The following FMNL2 variants were observed in gnomAD, a reference collection of about 807,000 sequenced individuals.
FMNL2 encodes formin like 2.
FMNL2 carries 51 observed loss-of-function variants against 130.2 expected under a neutral mutation model. The ratio of observed to expected loss-of-function variants is 0.39; its 90% CI spans 0.31 to 0.49. The LOEUF is 0.49. Among genes scored for constraint, FMNL2 ranks in the 20% least tolerant of loss-of-function variants. The pLI is 0.85. For missense variants in FMNL2, 977 were observed against 1,316.2 expected, an observed-to-expected ratio of 0.74 and a Z score of 3.99; for synonymous variants, 465 against 467.1, an observed-to-expected ratio of 1.00 and a Z score of 0.06.
intron 1 of FMNL2, among the ~76,000 whole-genome samples, chr2:152,432,556 C>T (rs1360085379): frequency 2.6e-5 from 4 of 152,304 alleles, no homozygotes; most frequent in Admixed American, 1.3e-4. Context: ...AGCAGATGGC[C>T]GTCCAAAGCT....
chr2:152,647,916 G>C lies in FMNL2; in HGVS notation c.*11G>C. On this transcript the variant is annotated 3_prime_UTR_variant, in exon 26 of 26. Coordinates refer to ENST00000288670, the MANE Select transcript of FMNL2 (RefSeq NM_052905.4). ...GAAATAACAATGTGAACCTGAGACT[G>C]GCCTGCATGAATACAGGGTGTGCGT... 6.2e-7 allele frequency: 1 copy of C among 1,605,552 alleles called. No homozygotes were observed. The highest frequency in any genetic ancestry group is 8.5e-7 in the Non-Finnish European group (1 of 1,174,868).
At chr2:152,607,478 C>T in intron 10 of FMNL2, 65 bp downstream of exon 10, 1 of 752,456 alleles carries the variant, frequency 1.3e-6, no homozygotes, top group Non-Finnish European at 2.1e-6. Flanking sequence ...AATACACACA[C>T]ACACACACAC....
intron 1 of FMNL2, among the ~76,000 whole-genome samples, chr2:152,418,544 T>G (rs535972063): frequency 6.6e-4 from 101 of 152,330 alleles, no homozygotes; most frequent in African/African-American, 2.2e-3. Context: ...ATAAGTGGAA[T>G]CAGGGAAGTT....
intron 1 of FMNL2, among the ~76,000 whole-genome samples, chr2:152,435,906 C>G (rs962699593): frequency 6.6e-6 from 1 of 152,174 alleles, no homozygotes; most frequent in Non-Finnish European, 1.5e-5. Flanking sequence ...GAGGTGGCCC[C>G]CACCACAATA....
chr2:152,474,000 G>C (rs927663374), intron 1 of FMNL2, among the ~76,000 whole-genome samples: 4 of 152,138 alleles, frequency 2.6e-5, no homozygotes, highest in Non-Finnish European at 5.9e-5. Context: ...TCAGCCACCT[G>C]AGTAGCTAGG....
chr2:152,611,495 G>A lies in FMNL2; in HGVS notation c.952G>A (p.Val318Met). The A allele has an allele frequency of 1.9e-6, 3 of 1,569,140 alleles. No individual in the cohort carries two copies. Among genetic ancestry groups the A allele is most frequent in the Non-Finnish European group, 2.6e-6 (3 of 1,152,268 alleles). Residue 318 changes from valine to methionine, a missense_variant and splice_region_variant, in exon 11 of 26, where the codon GTG (valine) becomes ATG (methionine). Val to Met is a conservative substitution (Grantham distance 21). Transcript: ENST00000288670. Reference sequence around the variant, plus strand: ...TAACCCCTTGACAATTTCATTTCAGGTGGCTTCTATGCAGTTTATTAATAT... The same window carrying A: ...TAACCCCTTGACAATTTCATTTCAGATGGCTTCTATGCAGTTTATTAATAT... ...RNEDNNIDFM[V>M]ASMQFINIVV...
chr2:152,525,348 A>G (rs926740136), intron 2 of FMNL2, among the ~76,000 whole-genome samples: 2 of 152,212 alleles, frequency 1.3e-5, no homozygotes, highest in Non-Finnish European at 2.9e-5. Context: ...AATTCAGGAC[A>G]TTGGAGATGA....
At chr2:152,384,761 A>G (rs1287352564) in intron 1 of FMNL2, among the ~76,000 whole-genome samples, 1 of 152,076 alleles carries the variant, frequency 6.6e-6, no homozygotes, top group East Asian at 1.9e-4. Flanking sequence ...GGGCCATTAT[A>G]TTTTCAGCTA....
In FMNL2 at chr2:152,347,822, T is replaced by C. The variant is rs187160372; in HGVS notation, c.117+12102T>C. On this transcript the variant is annotated intron_variant, in intron 1 of 25. Transcript: ENST00000288670. ...ACGTTTGTTGGTCTCTCTTCTTTTC[T>C]CTGCTTTGTAACTCCTGTATCCCTC... is the stretch of plus-strand genomic sequence containing the variant. Among the ~76,000 whole-genome samples the C allele has an allele frequency of 3.7e-3, 561 of 152,366 alleles. 1 individual carries two copies. The highest frequency in any genetic ancestry group is 5.8e-3 in the Non-Finnish European group (396 of 68,028).
At chr2:152,382,374 T>C (rs1325813215) in intron 1 of FMNL2, among the ~76,000 whole-genome samples, 5 of 152,188 alleles carry the variant, frequency 3.3e-5, no homozygotes, top group Admixed American at 3.3e-4. Context: ...GGTGTTCTGA[T>C]GTGAGAGAGC....
chr2:152,550,038 G>T (rs557827046), intron 4 of FMNL2, among the ~76,000 whole-genome samples: 1 of 152,212 alleles, frequency 6.6e-6, no homozygotes, highest in African/African-American at 2.4e-5. Context: ...AGTAAGTTCT[G>T]TCTCGTTGAT....
At chr2:152,375,877 C>CTCTCTCTCTA (rs796954245) in intron 1 of FMNL2, among the ~76,000 whole-genome samples, 30 of 112,474 alleles carry the variant, frequency 2.7e-4, no homozygotes, top group Middle Eastern at 4.6e-3. Flanking sequence ...CTCTCTCTCT[C>CTCTCTCTCTA]TATATATATA....
intron 1 of FMNL2, among the ~76,000 whole-genome samples, chr2:152,503,917 T>C (rs1691999766): frequency 6.6e-6 from 1 of 152,212 alleles, no homozygotes; most frequent in African/African-American, 2.4e-5. Flanking sequence ...AAGCTGGGCA[T>C]TGTAGCACAT....
intron 1 of FMNL2, among the ~76,000 whole-genome samples, chr2:152,411,785 C>A (rs1162262767): frequency 3.3e-5 from 5 of 152,206 alleles, no homozygotes; most frequent in Non-Finnish European, 7.3e-5. Flanking sequence ...TGTGGCCAGA[C>A]TTCTGGGAGC....
intron 25 of FMNL2, among the ~76,000 whole-genome samples, chr2:152,646,468 G>C (rs536041175): frequency 9.2e-5 from 14 of 152,248 alleles, no homozygotes; most frequent in African/African-American, 3.1e-4. Flanking sequence ...ACTTCTTTTT[G>C]CTGTGTAGGA....
intron 10 of FMNL2, among the ~76,000 whole-genome samples, chr2:152,608,537 T>G (rs1353745995): frequency 1.3e-5 from 2 of 148,654 alleles, no homozygotes; most frequent in Non-Finnish European, 3.0e-5. Context: ...ATATATATAC[T>G]TTATATATAT....
In FMNL2 at chr2:152,636,502, T is replaced by C. The variant is rs374950232; in HGVS notation, c.2756T>C (p.Met919Thr). The C allele has an allele frequency of 1.8e-5, 29 of 1,609,162 alleles. No homozygotes were observed. The highest frequency in any genetic ancestry group is 2.4e-5 in the Non-Finnish European group (28 of 1,177,568). The change falls in exon 22 of 26, where the codon ATG (methionine) becomes ACG (threonine). Residue 919 changes from methionine to threonine, a missense_variant. Met to Thr is a moderately conservative substitution (Grantham distance 81, BLOSUM62 -1). Around this residue, in one of 4 missense-constraint regions of FMNL2, gnomAD observed 689 missense variants for 995.9 expected, o/e 0.69. Transcript: ENST00000288670. ...GACTTGACCAAGAGAGAGTACACCA[T>C]GCATGACCATAACACGCTGCTGAAG... Reference protein sequence around the residue: ...GMDLTKREYTMHDHNTLLKEF... With the variant: ...GMDLTKREYTTHDHNTLLKEF...
intron 21 of FMNL2, among the ~76,000 whole-genome samples, chr2:152,632,678 T>G (rs78318142): frequency 6.6e-6 from 1 of 152,154 alleles, no homozygotes; most frequent in Non-Finnish European, 1.5e-5. Flanking sequence ...GTGAGAAAAT[T>G]GAGATTTTTC....
rs182406607 is a variant in FMNL2, at chr2:152,386,262, A to G, written c.117+50542A>G. Among the ~76,000 whole-genome samples, 495 of 152,324 alleles carry G rather than the reference A, an allele frequency of 3.2e-3. 1 individual carries two copies. The highest frequency in any genetic ancestry group is 5.5e-3 in the Non-Finnish European group (373 of 68,022). ...GGAGAATTACAAAGTACAGAGTCTT[A>G]TCCTTTCACTGTAATCCCGGGTGCA... On this transcript the variant is annotated intron_variant, in intron 1 of 25. Coordinates refer to ENST00000288670, the MANE Select transcript of FMNL2 (RefSeq NM_052905.4).
Sources: allele counts gnomAD v4.1 joint callset (sites outside exome capture counted in the v4.1 genomes callset), GRCh38; gene constraint gnomAD v4.1.1; regional missense constraint gnomAD v4.1.1; transcripts MANE v1.5; gene names NCBI Gene and HGNC (gene_info 2026-07-23, HGNC 2026-07-21).